Variants in HOOK3 observed in about 807,000 individuals in gnomAD.
HOOK3 encodes protein Hook homolog 3.
HOOK3 carries 24 observed loss-of-function variants against 116.3 expected under a neutral mutation model. The observed-to-expected ratio is 0.21, with a 90% CI of 0.15 to 0.29. The LOEUF is 0.29. Among genes scored for constraint, HOOK3 ranks in the 10% least tolerant of loss-of-function variants. The probability of loss-of-function intolerance (pLI) is 1.00; values close to 1 mark genes in which losing one functional copy is unlikely to be tolerated. For synonymous variants in HOOK3, 275 were observed against 283.0 expected (o/e 0.97, Z 0.28); for missense variants, 632 against 830.2 (o/e 0.76, Z 2.93).
At chr8:42,899,668 TTTC>T (rs1315981586) in intron 1 of HOOK3, among the ~76,000 whole-genome samples, 1 of 152,202 alleles carries the variant, frequency 6.6e-6, no homozygotes, top group Non-Finnish European at 1.5e-5. Flanking sequence ...TTAGATTAGT[TTTC>T]TTGATTTTAT....
intron 18 of HOOK3, 144 bp downstream of exon 18, chr8:43,008,073 C>A: frequency 2.8e-6 from 1 of 354,864 alleles, no homozygotes; most frequent in Non-Finnish European, 4.9e-6. Flanking sequence ...GGCTGGAGTG[C>A]AGTGGTGCGA....
At position 42,964,420 on chromosome 8, in the gene HOOK3, G is replaced by GAAGGCC. The variant is rs767658129; in HGVS notation, c.730_731insCAAGGC (p.Arg243_His244insProArg). ...GAAGACCCTAACAGTCCAGCAGGAA[G>GAAGGCC]AAGGCATTTGCAGCTCCAGACTCAA... On this transcript the variant is annotated inframe_insertion, in exon 9 of 22. Transcript: ENST00000307602. 2 of 1,614,164 alleles carry GAAGGCC rather than the reference G, an allele frequency of 1.2e-6. No individual in the cohort carries two copies. The highest frequency in any genetic ancestry group is 3.3e-5 in the Admixed American group (2 of 60,016).
intron 21 of HOOK3, among the ~76,000 whole-genome samples, chr8:43,014,883 G>T (rs1382646293): frequency 6.6e-6 from 1 of 152,106 alleles, no homozygotes; most frequent in Admixed American, 6.5e-5. Flanking sequence ...GGTGGCTAAT[G>T]CCTGTAATCA....
intron 2 of HOOK3, among the ~76,000 whole-genome samples, chr8:42,923,254 T>A (rs147764335): frequency 6.6e-6 from 1 of 152,198 alleles, no homozygotes; most frequent in South Asian, 2.1e-4. Flanking sequence ...CTGGTGAGGA[T>A]GCAAAATATA....
chr8:42,903,953 C>T (rs1034428385), intron 1 of HOOK3, among the ~76,000 whole-genome samples: 17 of 151,856 alleles, frequency 1.1e-4, no homozygotes, highest in Non-Finnish European at 1.6e-4. Flanking sequence ...GAGACTCCGT[C>T]TGAAAAACAA....
At chr8:42,904,122 ACTT>A (rs1480709617) in intron 1 of HOOK3, among the ~76,000 whole-genome samples, 2 of 152,102 alleles carry the variant, frequency 1.3e-5, no homozygotes, top group African/African-American at 4.8e-5. Context: ...TAGCAGTTTT[ACTT>A]CTTTTCTAAC....
At chr8:42,897,767 G>T (rs978361714) in intron 1 of HOOK3, among the ~76,000 whole-genome samples, 1 of 152,270 alleles carries the variant, frequency 6.6e-6, no homozygotes, top group Non-Finnish European at 1.5e-5. Context: ...AGAGTCGTGG[G>T]ATTCTGATTT....
chr8:42,901,916 G>A (rs547821157), intron 1 of HOOK3, among the ~76,000 whole-genome samples: 4 of 152,092 alleles, frequency 2.6e-5, no homozygotes, highest in Non-Finnish European at 4.4e-5. Flanking sequence ...CACTATGTTG[G>A]TCAGGCTGGT....
chr8:43,016,836 A>C (rs1303481561), intron 21 of HOOK3, among the ~76,000 whole-genome samples: 1 of 152,154 alleles, frequency 6.6e-6, no homozygotes, highest in Non-Finnish European at 1.5e-5. Flanking sequence ...TTTGGAAAAT[A>C]TTATGTATTT....
At chr8:42,899,151 G>A (rs1807130049) in intron 1 of HOOK3, among the ~76,000 whole-genome samples, 1 of 152,188 alleles carries the variant, frequency 6.6e-6, no homozygotes, top group Non-Finnish European at 1.5e-5. Flanking sequence ...TTATTTAAGT[G>A]AGAAATGCTG....
intron 1 of HOOK3, among the ~76,000 whole-genome samples, chr8:42,902,518 A>G (rs1807211955): frequency 6.6e-6 from 1 of 152,048 alleles, no homozygotes; most frequent in Non-Finnish European, 1.5e-5. Context: ...GTGATCCTCC[A>G]GCTTTGACCT....
chr8:42,948,147 T>C (rs1808270316), intron 5 of HOOK3, among the ~76,000 whole-genome samples: 2 of 152,158 alleles, frequency 1.3e-5, no homozygotes, highest in South Asian at 4.2e-4. Context: ...GACTTGTAAG[T>C]GTTATGTGAC....
At chr8:42,967,658 T>C (rs568241794) in intron 10 of HOOK3, among the ~76,000 whole-genome samples, 2 of 152,114 alleles carry the variant, frequency 1.3e-5, no homozygotes, top group South Asian at 2.1e-4. Context: ...TAAGGTAAAA[T>C]TGACATTCTC....
intron 13 of HOOK3, among the ~76,000 whole-genome samples, chr8:42,975,286 A>T (rs924178851): frequency 1.3e-5 from 2 of 152,146 alleles, no homozygotes; most frequent in African/African-American, 4.8e-5. Context: ...CCAGCCCTTG[A>T]CATTTCCGTA....
chr8:42,949,563 T>G (rs184231540), intron 5 of HOOK3: 25 of 152,340 alleles, frequency 1.6e-4, no homozygotes, highest in African/African-American at 5.5e-4. Flanking sequence ...GTAACTTAAA[T>G]TCATCTCAAT....
chr8:42,908,499 G>C (rs1342526260), intron 2 of HOOK3, among the ~76,000 whole-genome samples: 6 of 152,118 alleles, frequency 3.9e-5, no homozygotes, highest in African/African-American at 7.2e-5. Context: ...TTCCAGAAAG[G>C]AACCCATACA....
intron 13 of HOOK3, 82 bp from the exon 14 acceptor site, chr8:42,982,545 A>C (rs1174333690): frequency 1.1e-6 from 1 of 898,030 alleles, no homozygotes; most frequent in African/African-American, 1.6e-5. Flanking sequence ...TGTTAAAATT[A>C]ATGCTCAAAG....
In HOOK3 at chr8:42,962,403, G is replaced by A. The variant is rs1195339626; in HGVS notation, c.616-1908G>A. On this transcript the variant is annotated intron_variant, in intron 8 of 21. Coordinates refer to ENST00000307602, the MANE Select transcript of HOOK3 (RefSeq NM_032410.4). Reference sequence around the variant, plus strand: ...AGGCGTGACCCACTGCACCTGGCCCGTGTGTTTTTTTTTTTTTTTTTGAAA... The same window carrying A: ...AGGCGTGACCCACTGCACCTGGCCCATGTGTTTTTTTTTTTTTTTTTGAAA... 2.7e-5 allele frequency among the ~76,000 whole-genome samples: 4 copies of A among 147,832 alleles called. No homozygotes were observed. In the South Asian group the frequency reaches 6.4e-4, roughly 24 times the overall value.
intron 6 of HOOK3, among the ~76,000 whole-genome samples, chr8:42,953,113 G>T (rs1397220353): frequency 6.6e-6 from 1 of 151,980 alleles, no homozygotes; most frequent in Admixed American, 6.6e-5. Context: ...GGGAAATGGG[G>T]TCCTTATTCT....
Sources: gnomAD v4.1 joint callset for allele counts (sites outside exome capture counted in the v4.1 genomes callset) on GRCh38, gnomAD v4.1.1 for gene constraint, MANE v1.5 for transcripts, NCBI Gene and HGNC (gene_info 2026-07-23, HGNC 2026-07-21) for gene names.